HSF1: variants seen among roughly 807,000 people sequenced by gnomAD.
HSF1 encodes the protein heat shock transcription factor 1.
A neutral mutation model predicts 51.7 loss-of-function variants in HSF1; 32 were observed. The observed-to-expected ratio is 0.62, with a 90% confidence interval of 0.47 to 0.83. HSF1 has a LOEUF of 0.83. Among genes scored for constraint, HSF1 ranks in the 40% least tolerant of loss-of-function variants. HSF1 has a pLI of 0.00. For synonymous variants in HSF1, 396 were observed against 309.7 expected, an observed-to-expected ratio of 1.28 and a Z score of -2.92; for missense variants, 727 against 717.0, an observed-to-expected ratio of 1.01 and a Z score of -0.16.
At chr8:144,302,518 TAATA>T (rs1428687154) in intron 1 of HSF1, among the ~76,000 whole-genome samples, 1 of 145,032 alleles carries the variant, frequency 6.9e-6, no homozygotes, top group Non-Finnish European at 1.5e-5. Flanking sequence ...AAAAAAAAGA[TAATA>T]ATAATAATAA....
chr8:144,299,841 G>A (rs1815737915), intron 1 of HSF1, among the ~76,000 whole-genome samples: 1 of 151,824 alleles, frequency 6.6e-6, no homozygotes, highest in African/African-American at 2.4e-5. Context: ...CCCGGGAGGT[G>A]GAGCTTGCAG....
intron 11 of HSF1, 33 bp from the exon 12 acceptor site, chr8:144,313,952 G>A: frequency 6.2e-7 from 1 of 1,610,480 alleles, no homozygotes; most frequent in Non-Finnish European, 8.5e-7. Context: ...CGAGACCAGC[G>A]GGAGTGCTCA....
At chr8:144,302,886 A>T (rs1554842659) in intron 1 of HSF1, among the ~76,000 whole-genome samples, 2 of 152,114 alleles carry the variant, frequency 1.3e-5, no homozygotes, top group African/African-American at 4.8e-5. Flanking sequence ...ATAGACAAAT[A>T]GCAAATAAGC....
chr8:144,311,651 G>A, intron 7 of HSF1, 49 bp from the exon 8 acceptor site: 1 of 1,611,638 alleles, frequency 6.2e-7, no homozygotes, highest in East Asian at 2.2e-5. Flanking sequence ...CGGCAGTGGG[G>A]TGGGTTGCCC....
At position 144,311,721 on chromosome 8, in the gene HSF1, A is replaced by G. The variant is rs782639254; in HGVS notation, c.745A>G (p.Ser249Gly). 15 of 1,611,810 alleles carry G rather than the reference A, an allele frequency of 9.3e-6. 1 individual carries two copies. The East Asian group carries it at 2.9e-4, about 31-fold the overall frequency. ...PYSAPSPAYS[S>G]SSLYAPDAVA... Reference sequence around the variant, plus strand: ...GCAGGCCCCCTCCCCAGCCTACAGCAGCTCCAGCCTCTACGCCCCTGATGC... The same window carrying G: ...GCAGGCCCCCTCCCCAGCCTACAGCGGCTCCAGCCTCTACGCCCCTGATGC... The change falls in exon 8 of 13, where the codon AGC becomes GGC. Residue 249 changes from serine (S) to glycine (G), a missense_variant. Ser to Gly is a moderately conservative substitution (Grantham distance 56, BLOSUM62 0). Around this residue, in one of 2 missense-constraint regions of HSF1, gnomAD observed 470 missense variants for 398.8 expected, o/e 1.18. Coordinates refer to ENST00000528838, the MANE Select transcript of HSF1 (RefSeq NM_005526.4).
intron 2 of HSF1, 53 bp downstream of exon 2, chr8:144,309,067 G>A: frequency 7.4e-7 from 1 of 1,348,296 alleles, no homozygotes; most frequent in Non-Finnish European, 1.1e-6. Context: ...CCTGCAGATG[G>A]CGGGACCCCA....
chr8:144,292,599 C>T (rs1815170886), intron 1 of HSF1: 1 of 152,254 alleles, frequency 6.6e-6, no homozygotes, highest in South Asian at 2.1e-4. Context: ...TGTTCACATC[C>T]CGGCTGTGAC....
chr8:144,296,806 CAAA>C (rs72033767), intron 1 of HSF1, among the ~76,000 whole-genome samples: 18 of 135,118 alleles, frequency 1.3e-4, no homozygotes, highest in South Asian at 4.7e-4. Context: ...GACTCCATCT[CAAA>C]AAAAAAAAAA....
chr8:144,300,459 C>T (rs1009418918), intron 1 of HSF1, among the ~76,000 whole-genome samples: 33 of 152,054 alleles, frequency 2.2e-4, no homozygotes, highest in African/African-American at 7.0e-4. Context: ...CCTCGTGATC[C>T]GCCCACCTTG....
At position 144,293,451 on chromosome 8, in the gene HSF1, T is replaced by A. The variant is rs575471899; in HGVS notation, c.117+1577T>A. The A allele has an allele frequency of 2.0e-5, 3 of 151,964 alleles. No homozygotes were observed. The East Asian group carries it at 5.8e-4, about 29-fold the overall frequency. 9.4% of individuals were successfully genotyped at this position (151,964 alleles called of 1,614,324 possible). On this transcript the variant is annotated intron_variant, in intron 1 of 12. Coordinates refer to ENST00000528838, the MANE Select transcript of HSF1 (RefSeq NM_005526.4). The stretch of plus-strand genomic sequence containing the variant: ...ATCCGTCTTTTTCTTTTTTCTTTTT[T>A]TTTTTTTTAGACCGAGTCTTGCTCT...
chr8:144,307,146 C>T (rs950745565), intron 1 of HSF1, among the ~76,000 whole-genome samples: 4 of 152,236 alleles, frequency 2.6e-5, no homozygotes, highest in Non-Finnish European at 5.9e-5. Flanking sequence ...GTGGCACCTC[C>T]TTCTCCCCAG....
rs782088108 is a variant in HSF1, at chr8:144,314,332, G to A, written c.*2G>A. 6.5e-7 allele frequency: 1 copy of A among 1,544,442 alleles called. No homozygotes were observed. The highest frequency in any genetic ancestry group is 2.5e-5 in the East Asian group (1 of 40,748). On this transcript the variant is annotated 3_prime_UTR_variant, in exon 13 of 13. Coordinates refer to ENST00000528838, the MANE Select transcript of HSF1 (RefSeq NM_005526.4). ...GCCAAGGACCCCACTGTCTCCTAGA[G>A]GCCCCGGAGGAGCTGGGCCAGCCGC...
At chr8:144,309,432 G>GC in intron 2 of HSF1, 23 bp from the exon 3 acceptor site, 3 of 1,613,424 alleles carry the variant, frequency 1.9e-6, no homozygotes, top group Non-Finnish European at 1.7e-6. Flanking sequence ...AGGCAGAGCT[G>GC]CCCCCTTCCC....
In HSF1 at chr8:144,313,729, C is replaced by A; in HGVS notation, c.1248+113C>A. 3 of 95,566 alleles carry A rather than the reference C, an allele frequency of 3.1e-5. 1 individual carries two copies. In the East Asian group the frequency reaches 2.1e-3, roughly 68 times the overall value. The allele number at this position is 95,566 out of a possible 1,614,324, so 5.9% of individuals were successfully genotyped here. On this transcript the variant is annotated intron_variant, in intron 10 of 12. Coordinates refer to ENST00000528838, the MANE Select transcript of HSF1 (RefSeq NM_005526.4). ...GCCGCCGCCCCGCCTCCCCGCCCCG[C>A]CTCCCCGCGCCTCCCCGCCTCCCCG...
chr8:144,302,715 G>A (rs938377462), intron 1 of HSF1, among the ~76,000 whole-genome samples: 16 of 147,470 alleles, frequency 1.1e-4, no homozygotes, highest in African/African-American at 3.0e-4. Flanking sequence ...CCAGCTACGC[G>A]GGAGGCTGAG....
intron 11 of HSF1, 33 bp downstream of exon 11, chr8:144,313,944 A>T (rs1294060000): frequency 1.2e-6 from 2 of 1,610,234 alleles, no homozygotes; most frequent in Non-Finnish European, 1.7e-6. Context: ...AGGGGGAACG[A>T]GACCAGCGGG....
At chr8:144,309,282 A>G in intron 2 of HSF1, 173 bp from the exon 3 acceptor site, 1 of 824,074 alleles carries the variant, frequency 1.2e-6, no homozygotes, top group Admixed American at 2.8e-5. Context: ...CTGTGGGGAC[A>G]CAGGGTCTCC....
At chr8:144,304,500 C>T (rs1006142308) in intron 1 of HSF1, among the ~76,000 whole-genome samples, 12 of 152,202 alleles carry the variant, frequency 7.9e-5, no homozygotes, top group Middle Eastern at 3.4e-3. Flanking sequence ...GGCTGGTCTC[C>T]AACTCCTGGG....
chr8:144,295,843 T>C (rs1554841207), intron 1 of HSF1, among the ~76,000 whole-genome samples: 1 of 152,214 alleles, frequency 6.6e-6, no homozygotes, highest in Non-Finnish European at 1.5e-5. Flanking sequence ...ATTACAGGCT[T>C]GAGCCACCGC....
Sources: allele counts gnomAD v4.1 joint callset (sites outside exome capture counted in the v4.1 genomes callset), GRCh38; gene constraint gnomAD v4.1.1; regional missense constraint gnomAD v4.1.1; transcripts MANE v1.5; gene names NCBI Gene and HGNC (gene_info 2026-07-23, HGNC 2026-07-21).